The following CORIN variants were observed in gnomAD, a reference collection of about 807,000 sequenced individuals.
CORIN encodes corin, serine peptidase, also known as atrial natriuretic peptide-converting enzyme.
A neutral mutation model predicts 125.3 loss-of-function variants in CORIN; 117 were observed. The observed-to-expected ratio is 0.93, with a 90% CI of 0.80 to 1.09. CORIN has a LOEUF of 1.09. Ranked by LOEUF, CORIN falls within the 50% of genes least tolerant of loss-of-function variation. The pLI, the probability that CORIN is intolerant of heterozygous loss-of-function variation, is 0.00. For missense variants in CORIN, 1,253 were observed against 1,306.7 expected (o/e 0.96, Z 0.63); for synonymous variants, 450 against 466.4 (o/e 0.96, Z 0.45).
chr4:47,779,498 G>A (rs1730445016), intron 3 of CORIN, among the ~76,000 whole-genome samples: 3 of 150,100 alleles, frequency 2.0e-5, no homozygotes, highest in African/African-American at 7.4e-5. Context: ...GTGAAGTGGT[G>A]CGATCTCGGC....
At chr4:47,692,483 A>G (rs1725813701) in intron 6 of CORIN, among the ~76,000 whole-genome samples, 1 of 150,592 alleles carries the variant, frequency 6.6e-6, no homozygotes, top group African/African-American at 2.5e-5. Context: ...AGGACACATA[A>G]GGCTGAATCT....
At chr4:47,675,968 T>C (rs1724999779) in intron 9 of CORIN, among the ~76,000 whole-genome samples, 1 of 151,942 alleles carries the variant, frequency 6.6e-6, no homozygotes. Flanking sequence ...AAGGATGGGT[T>C]TCCCAAGCCA....
chr4:47,674,604 C>T, intron 9 of CORIN, 104 bp from the exon 10 acceptor site: 1 of 722,096 alleles, frequency 1.4e-6, no homozygotes, highest in East Asian at 2.5e-5. Flanking sequence ...AATAACACAA[C>T]TTTAATTTCC....
chr4:47,822,624 C>T (rs1276909113), intron 1 of CORIN, among the ~76,000 whole-genome samples: 2 of 152,166 alleles, frequency 1.3e-5, no homozygotes, highest in Non-Finnish European at 2.9e-5. Context: ...TAAATTCAGA[C>T]ATCTTTGGGA....
intron 2 of CORIN, among the ~76,000 whole-genome samples, chr4:47,787,805 C>A (rs1015895535): frequency 6.6e-6 from 1 of 152,206 alleles, no homozygotes; most frequent in Non-Finnish European, 1.5e-5. Flanking sequence ...ACACTTTCCC[C>A]GAGTCCCCAA....
In CORIN at chr4:47,600,138, C is replaced by T. The variant is rs1326452717; in HGVS notation, c.2946+76G>A. The T allele has an allele frequency of 1.0e-5, 13 of 1,293,940 alleles. No individual in the cohort carries two copies. The East Asian group carries it at 1.2e-4, about 12-fold the overall frequency. The allele number at this position is 1,293,940 out of a possible 1,614,324, so 80.2% of individuals were successfully genotyped here. ...CAAAAAATGTTTCCAAAGGGCCATA[C>T]GTAATAATGAGTTTATAGGAATCCA... On this transcript the variant is annotated intron_variant, in intron 21 of 21. Coordinates refer to ENST00000273857, the MANE Select transcript of CORIN (RefSeq NM_006587.4).
At chr4:47,705,784 C>T (rs916284529) in intron 5 of CORIN, among the ~76,000 whole-genome samples, 1 of 152,132 alleles carries the variant, frequency 6.6e-6, no homozygotes, top group Non-Finnish European at 1.5e-5. Flanking sequence ...TAACACCTAC[C>T]ACAAGAGGGA....
intron 5 of CORIN, among the ~76,000 whole-genome samples, chr4:47,710,326 T>A (rs1726779371): frequency 6.6e-6 from 1 of 152,254 alleles, no homozygotes; most frequent in Non-Finnish European, 1.5e-5. Flanking sequence ...TTGTGGATAT[T>A]CATTTTGCAA....
intron 1 of CORIN, among the ~76,000 whole-genome samples, chr4:47,808,179 G>A (rs1731878148): frequency 6.6e-6 from 1 of 152,012 alleles, no homozygotes; most frequent in African/African-American, 2.4e-5. Context: ...TCCAATATGG[G>A]GAGTGGAGTC....
chr4:47,731,868 CAA>C (rs34287451), intron 5 of CORIN, among the ~76,000 whole-genome samples: 21 of 133,326 alleles, frequency 1.6e-4, no homozygotes, highest in African/African-American at 4.4e-4. Context: ...GACTCCATCT[CAA>C]AAAAAAAAAA....
chr4:47,717,235 C>T (rs913385831), intron 5 of CORIN, among the ~76,000 whole-genome samples: 3 of 152,184 alleles, frequency 2.0e-5, no homozygotes, highest in African/African-American at 4.8e-5. Context: ...AGACAACTCA[C>T]GTATACGAAC....
At chr4:47,741,209 T>C (rs1728380010) in intron 5 of CORIN, among the ~76,000 whole-genome samples, 1 of 151,988 alleles carries the variant, frequency 6.6e-6, no homozygotes, top group Non-Finnish European at 1.5e-5. Context: ...GCATCCAGAA[T>C]ATATAAAGAA....
chr4:47,739,104 C>G (rs1728264360), intron 5 of CORIN, among the ~76,000 whole-genome samples: 2 of 151,646 alleles, frequency 1.3e-5, no homozygotes, highest in African/African-American at 4.8e-5. Flanking sequence ...ATGGGAGTCC[C>G]AGAAAGAGAT....
intron 16 of CORIN, among the ~76,000 whole-genome samples, chr4:47,634,277 C>G (rs551794639): frequency 6.6e-6 from 1 of 152,214 alleles, no homozygotes; most frequent in South Asian, 2.1e-4. Flanking sequence ...GCCTACAGCT[C>G]TAAACTCACA....
chr4:47,735,980 T>C (rs1027377509), intron 5 of CORIN, among the ~76,000 whole-genome samples: 5 of 148,606 alleles, frequency 3.4e-5, no homozygotes, highest in Admixed American at 3.3e-4. Flanking sequence ...ATACTAATAA[T>C]GTTATTTTGA....
chr4:47,783,540 T>A (rs971418104), intron 3 of CORIN, among the ~76,000 whole-genome samples: 1 of 152,066 alleles, frequency 6.6e-6, no homozygotes, highest in Admixed American at 6.5e-5. Context: ...CCAGGATATT[T>A]GGGTAGAATA....
intron 16 of CORIN, among the ~76,000 whole-genome samples, chr4:47,639,720 G>C (rs1723165131): frequency 6.6e-6 from 1 of 152,234 alleles, no homozygotes. Context: ...GGGTGACTTA[G>C]AGTTTATTTG....
intron 19 of CORIN, among the ~76,000 whole-genome samples, chr4:47,610,383 A>T (rs188390320): frequency 2.0e-5 from 3 of 151,562 alleles, no homozygotes; most frequent in Non-Finnish European, 4.4e-5. Flanking sequence ...TCGTATGTTT[A>T]TTGGCCACAT....
Position 47,780,807 on chromosome 4 carries a change from T to C in CORIN, c.409+5918A>G, listed in dbSNP as rs532589966. On this transcript the variant is annotated intron_variant, in intron 3 of 21. Transcript: ENST00000273857. ...TTTTTGTTTGTTATTGAAGTTAAAC[T>C]GGTATAAATTCAAGTTAGAGTGCTG... Among the ~76,000 whole-genome samples the C allele has an allele frequency of 7.9e-5, 12 of 152,214 alleles. 1 individual carries two copies. In the South Asian group the frequency reaches 2.5e-3, roughly 32 times the overall value.
Sources: allele counts gnomAD v4.1 joint callset (sites outside exome capture counted in the v4.1 genomes callset), GRCh38; gene constraint gnomAD v4.1.1; transcripts MANE v1.5; gene names NCBI Gene and HGNC (gene_info 2026-07-23, HGNC 2026-07-21).